Variants in ASIC2 observed in about 807,000 individuals in gnomAD.
ASIC2 encodes acid sensing ion channel subunit 2.
ASIC2 carries 25 observed loss-of-function variants against 57.3 expected under a neutral mutation model. The observed-to-expected ratio is 0.44, with a 90% CI of 0.32 to 0.61. The LOEUF (loss-of-function observed/expected upper bound fraction) is 0.61, where lower values mean the gene tolerates loss of function less well. Among genes scored for constraint, ASIC2 ranks in the 20% least tolerant of loss-of-function variants. ASIC2 has a pLI of 0.06. For synonymous variants in ASIC2, 319 were observed against 307.5 expected, an observed-to-expected ratio of 1.04 and a Z score of -0.39; for missense variants, 641 against 738.1, an observed-to-expected ratio of 0.87 and a Z score of 1.52.
chr17:33,019,633 G>T (rs2091826449), intron 7 of ASIC2, among the ~76,000 whole-genome samples: 1 of 152,010 alleles, frequency 6.6e-6, no homozygotes, highest in East Asian at 1.9e-4. Flanking sequence ...ATGGCTGAGG[G>T]TTTGCAAGCG....
At chr17:33,613,802 A>G (rs1905503764) in intron 1 of ASIC2, among the ~76,000 whole-genome samples, 1 of 152,164 alleles carries the variant, frequency 6.6e-6, no homozygotes, top group Non-Finnish European at 1.5e-5. Flanking sequence ...TCTTTCTCAT[A>G]CTACTTAATG....
chr17:33,367,481 G>A (rs565390862), intron 1 of ASIC2, among the ~76,000 whole-genome samples: 2 of 152,280 alleles, frequency 1.3e-5, no homozygotes, highest in East Asian at 3.9e-4. Context: ...CCACAGCTAA[G>A]ACAAGCTCCC....
intron 1 of ASIC2, among the ~76,000 whole-genome samples, chr17:33,133,273 G>T (rs2092354435): frequency 6.6e-6 from 1 of 152,152 alleles, no homozygotes; most frequent in South Asian, 2.1e-4. Flanking sequence ...GTTGGCAGAG[G>T]CGCAGAGGCA....
chr17:33,328,271 T>C (rs1006540988), intron 1 of ASIC2, among the ~76,000 whole-genome samples: 1 of 152,026 alleles, frequency 6.6e-6, no homozygotes, highest in Non-Finnish European at 1.5e-5. Flanking sequence ...CACAGTGAGT[T>C]AGGAAAGTGA....
intron 1 of ASIC2, among the ~76,000 whole-genome samples, chr17:33,427,544 CCCATCCTCCAACTCT>C (rs1236836733): frequency 6.6e-6 from 1 of 152,136 alleles, no homozygotes; most frequent in Non-Finnish European, 1.5e-5. Context: ...CCAAAATCTC[CCCATCCTCCAACTCT>C]CCATCCTCCC....
intron 1 of ASIC2, among the ~76,000 whole-genome samples, chr17:33,824,668 C>G (rs901443478): frequency 6.6e-6 from 1 of 152,116 alleles, no homozygotes; most frequent in African/African-American, 2.4e-5. Context: ...CTCCCACGTC[C>G]CCATGTGTTG....
chr17:33,785,816 A>G (rs1340663870), intron 1 of ASIC2, among the ~76,000 whole-genome samples: 3 of 152,218 alleles, frequency 2.0e-5, no homozygotes, highest in Non-Finnish European at 2.9e-5. Flanking sequence ...ACTCCAACAT[A>G]GCACAGACCT....
At chr17:33,510,164 G>A (rs1914388177) in intron 1 of ASIC2, among the ~76,000 whole-genome samples, 1 of 152,154 alleles carries the variant, frequency 6.6e-6, no homozygotes, top group Non-Finnish European at 1.5e-5. Flanking sequence ...TCTTGTATCT[G>A]TACAGCAGGT....
chr17:33,457,009 AGTAGCT>A (rs1232092811), intron 1 of ASIC2, among the ~76,000 whole-genome samples: 2 of 152,202 alleles, frequency 1.3e-5, no homozygotes, highest in Non-Finnish European at 2.9e-5. Flanking sequence ...CTCCCTGCAT[AGTAGCT>A]GTAATCCTGC....
chr17:33,020,212 G>T (rs2091829562), intron 7 of ASIC2, among the ~76,000 whole-genome samples: 1 of 152,164 alleles, frequency 6.6e-6, no homozygotes, highest in Non-Finnish European at 1.5e-5. Flanking sequence ...TTGTCCAGGT[G>T]CCAGAAACTA....
intron 1 of ASIC2, among the ~76,000 whole-genome samples, chr17:33,482,757 A>G (rs1427865123): frequency 6.6e-6 from 1 of 151,922 alleles, no homozygotes; most frequent in African/African-American, 2.4e-5. Context: ...ACACTACCCC[A>G]TCACCCCCAA....
At position 34,035,170 on chromosome 17, in the gene ASIC2, C is replaced by G. The variant is rs990970023; in HGVS notation, c.555+120808G>C. ...CTGGTACCAAAACAGAGATATAGAT[C>G]AATGGAACAGAACAGAGCCCTCAGA... On this transcript the variant is annotated intron_variant, in intron 1 of 9. Transcript: ENST00000359872. Among the ~76,000 whole-genome samples the G allele has an allele frequency of 1.5e-3, 217 of 148,250 alleles. 1 individual carries two copies. The highest frequency in any genetic ancestry group is 5.5e-3 in the African/African-American group (212 of 38,416).
chr17:33,595,946 C>A (rs1243142840), intron 1 of ASIC2, among the ~76,000 whole-genome samples: 1 of 152,172 alleles, frequency 6.6e-6, no homozygotes, highest in East Asian at 1.9e-4. Context: ...TAGTTCCTCC[C>A]CCTCAGTAGA....
chr17:33,372,446 A>C (rs1909107396), intron 1 of ASIC2, among the ~76,000 whole-genome samples: 1 of 152,146 alleles, frequency 6.6e-6, no homozygotes, highest in Admixed American at 6.5e-5. Flanking sequence ...ACAAAGCAGC[A>C]GGTAAGAAAG....
intron 1 of ASIC2, among the ~76,000 whole-genome samples, chr17:33,981,613 AAGAAGGAAGGG>A (rs1241832891): frequency 6.6e-6 from 1 of 151,772 alleles, no homozygotes; most frequent in Non-Finnish European, 1.5e-5. Flanking sequence ...AAAGAAAAGA[AAGAAGGAAGGG>A]AGAGAGAAAG....
At chr17:33,789,101 C>T (rs375824628) in intron 1 of ASIC2, among the ~76,000 whole-genome samples, 102 of 152,284 alleles carry the variant, frequency 6.7e-4, no homozygotes, top group African/African-American at 2.2e-3. Flanking sequence ...ATGCCTGCCC[C>T]GTTCAGCTTC....
At chr17:33,378,959 C>T (rs922116799) in intron 1 of ASIC2, among the ~76,000 whole-genome samples, 7 of 152,168 alleles carry the variant, frequency 4.6e-5, no homozygotes, top group African/African-American at 9.7e-5. Flanking sequence ...GTCTTATTTT[C>T]CCAACTACTT....
chr17:33,217,217 GT>G (rs1490009267), intron 1 of ASIC2, among the ~76,000 whole-genome samples: 1 of 152,170 alleles, frequency 6.6e-6, no homozygotes, highest in Non-Finnish European at 1.5e-5. Flanking sequence ...CTGATGGATG[GT>G]TACCCCAAAT....
In ASIC2 at chr17:33,403,395, T is replaced by A. The variant is rs114514034; in HGVS notation, c.556-291328A>T. On this transcript the variant is annotated intron_variant, in intron 1 of 9. Transcript: ENST00000359872. Reference sequence around the variant, plus strand: ...ACATTTGGGAAGATCATATCTCTTCTCCATCAGTTGTCTAGCTGGGTTGAG... The same window carrying A: ...ACATTTGGGAAGATCATATCTCTTCACCATCAGTTGTCTAGCTGGGTTGAG... 3.5e-3 allele frequency among the ~76,000 whole-genome samples: 537 copies of A among 152,366 alleles called. 7 individuals are homozygous for A. The highest frequency in any genetic ancestry group is 0.012 in the African/African-American group (509 of 41,582).
Sources: allele counts gnomAD v4.1 joint callset (sites outside exome capture counted in the v4.1 genomes callset), GRCh38; gene constraint gnomAD v4.1.1; transcripts MANE v1.5; gene names NCBI Gene and HGNC (gene_info 2026-07-23, HGNC 2026-07-21).